Variants in LRP1B observed in about 807,000 individuals in gnomAD.
LRP1B encodes the protein LDL receptor related protein 1B.
Under a neutral mutation model 556.6 loss-of-function variants are expected in LRP1B, and 217 were observed. That is an observed-to-expected ratio of 0.39 (90% CI 0.35 to 0.44). The LOEUF is 0.44. Among genes scored for constraint, LRP1B ranks in the 20% least tolerant of loss-of-function variants. LRP1B has a pLI of 1.00. For synonymous variants in LRP1B, 2,047 were observed against 1,865.8 expected (o/e 1.10, Z -2.50); for missense variants, 5,053 against 5,620.8 (o/e 0.90, Z 3.23).
chr2:141,591,240 C>A (rs1295784813), intron 2 of LRP1B, among the ~76,000 whole-genome samples: 1 of 152,118 alleles, frequency 6.6e-6, no homozygotes, highest in African/African-American at 2.4e-5. Flanking sequence ...TTGCACTCCC[C>A]ATGTCCCTAA....
chr2:141,132,102 T>C (rs1426446505), intron 7 of LRP1B, among the ~76,000 whole-genome samples: 1 of 152,002 alleles, frequency 6.6e-6, no homozygotes, highest in African/African-American at 2.4e-5. Flanking sequence ...ACATAACATT[T>C]TTAACTTCTG....
chr2:141,544,335 T>TTCTTCTTCTTCTTC (rs1685431711), intron 2 of LRP1B, among the ~76,000 whole-genome samples: 1 of 66,698 alleles, frequency 1.5e-5, no homozygotes, highest in African/African-American at 5.6e-5. Context: ...CTTCTTCTTC[T>TTCTTCTTCTTCTTC]TCTTCTTCTT....
At position 140,877,176 on chromosome 2, in the gene LRP1B, G is replaced by A. The variant is rs1321089834; in HGVS notation, c.4169+6641C>T. Among the ~76,000 whole-genome samples, 3 of 151,998 alleles carry A rather than the reference G, an allele frequency of 2.0e-5. No homozygotes were observed. In the East Asian group the frequency reaches 5.8e-4, roughly 29 times the overall value. On this transcript the variant is annotated intron_variant, in intron 25 of 90. Transcript: ENST00000389484. ...ACTTAAACTTCAGAAGAATATAACA[G>A]CAACCTATTTAAAGCCACATATATA...
rs1440729543 is a variant in LRP1B at position 141,177,556 on chromosome 2, A to G, written c.1013+10865T>C. On this transcript the variant is annotated intron_variant, in intron 7 of 90. Transcript: ENST00000389484. ...AAATGTGTATTGAACCTGCAGATTT[A>G]AAGAAATAAGTTTAAAAGCACAATA... Among the ~76,000 whole-genome samples, 4 of 152,192 alleles carry G rather than the reference A, an allele frequency of 2.6e-5. No homozygotes were observed. In the East Asian group the frequency reaches 7.7e-4, roughly 29 times the overall value.
At chr2:141,722,308 G>C (rs1257510514) in intron 2 of LRP1B, among the ~76,000 whole-genome samples, 1 of 152,156 alleles carries the variant, frequency 6.6e-6, no homozygotes, top group Non-Finnish European at 1.5e-5. Flanking sequence ...AACCTGGGAG[G>C]TGGAGGTTGC....
intron 1 of LRP1B, among the ~76,000 whole-genome samples, chr2:141,816,833 C>A (rs1472397613): frequency 6.6e-6 from 1 of 151,860 alleles, no homozygotes; most frequent in East Asian, 1.9e-4. Context: ...TGGGATTTAC[C>A]TAACGAGCCT....
At chr2:140,699,837 A>G (rs1167660495) in intron 41 of LRP1B, among the ~76,000 whole-genome samples, 1 of 148,050 alleles carries the variant, frequency 6.8e-6, no homozygotes, top group Admixed American at 6.8e-5. Flanking sequence ...TATACAGAAA[A>G]AAAATCTCTG....
At chr2:141,605,072 C>G (rs751191069) in intron 2 of LRP1B, among the ~76,000 whole-genome samples, 1 of 151,940 alleles carries the variant, frequency 6.6e-6, no homozygotes, top group Non-Finnish European at 1.5e-5. Context: ...CCAGAGGTTC[C>G]TGGCTGGCAA....
Position 141,722,743 on chromosome 2 carries a change from T to C in LRP1B, c.205+87536A>G, listed in dbSNP as rs1489364097. Among the ~76,000 whole-genome samples, 5 of 150,260 alleles carry C rather than the reference T, an allele frequency of 3.3e-5. No homozygotes were observed. The South Asian group carries it at 1.1e-3, about 32-fold the overall frequency. On this transcript the variant is annotated intron_variant, in intron 2 of 90. Coordinates refer to ENST00000389484, the MANE Select transcript of LRP1B (RefSeq NM_018557.3). Reference sequence around the variant, plus strand: ...GCAGATAGATACATAGATAGATAGATAGATAGATAGATAGATAGATAGATA... The same window carrying C: ...GCAGATAGATACATAGATAGATAGACAGATAGATAGATAGATAGATAGATA...
intron 2 of LRP1B, among the ~76,000 whole-genome samples, chr2:141,684,885 A>G (rs2105435973): frequency 6.6e-6 from 1 of 152,158 alleles, no homozygotes; most frequent in Middle Eastern, 3.4e-3. Flanking sequence ...AAAATTATAC[A>G]GGGATGGAAA....
At chr2:140,336,965 T>C (rs540278808) in intron 77 of LRP1B, among the ~76,000 whole-genome samples, 1 of 151,848 alleles carries the variant, frequency 6.6e-6, no homozygotes, top group Non-Finnish European at 1.5e-5. Context: ...GTGTAATCAA[T>C]ACGTAACAGC....
intron 84 of LRP1B, among the ~76,000 whole-genome samples, chr2:140,284,177 C>T (rs563333946): frequency 2.0e-5 from 3 of 151,728 alleles, no homozygotes; most frequent in African/African-American, 7.2e-5. Context: ...GTGTTAGTAT[C>T]TACAGTGTTA....
intron 3 of LRP1B, among the ~76,000 whole-genome samples, chr2:141,344,314 G>A (rs1046118313): frequency 1.3e-5 from 2 of 152,080 alleles, no homozygotes; most frequent in Admixed American, 6.5e-5. Context: ...TACATAACAA[G>A]GTCCTGTTAT....
At chr2:141,733,438 A>G (rs1011438120) in intron 2 of LRP1B, among the ~76,000 whole-genome samples, 11 of 152,210 alleles carry the variant, frequency 7.2e-5, no homozygotes, top group African/African-American at 2.4e-4. Context: ...CCTGACTATT[A>G]TAGCCTTCCA....
intron 3 of LRP1B, among the ~76,000 whole-genome samples, chr2:141,355,715 T>C (rs1318684538): frequency 6.6e-6 from 1 of 152,122 alleles, no homozygotes; most frequent in African/African-American, 2.4e-5. Context: ...CGAAGGAAAA[T>C]ATAAATCCCA....
chr2:140,956,930 A>G (rs1319481392), intron 18 of LRP1B, among the ~76,000 whole-genome samples: 2 of 151,892 alleles, frequency 1.3e-5, no homozygotes, highest in African/African-American at 2.4e-5. Context: ...TGAGAATTTT[A>G]TATCAGATAG....
chr2:141,936,339 AG>A (rs945716185), intron 1 of LRP1B, among the ~76,000 whole-genome samples: 2 of 152,240 alleles, frequency 1.3e-5, no homozygotes, highest in African/African-American at 4.8e-5. Flanking sequence ...GAAATAAACT[AG>A]TTTAATGATC....
At chr2:141,235,856 C>T (rs1015634014) in intron 5 of LRP1B, among the ~76,000 whole-genome samples, 13 of 152,040 alleles carry the variant, frequency 8.6e-5, no homozygotes, top group Admixed American at 7.9e-4. Context: ...GTGAAAATAA[C>T]TGAGTTCAAA....
chr2:140,779,610 A>T (rs774048015), intron 32 of LRP1B, among the ~76,000 whole-genome samples: 2 of 150,182 alleles, frequency 1.3e-5, no homozygotes, highest in African/African-American at 2.5e-5. Context: ...CAGGAGAAAC[A>T]CTTGAACCCG....
Sources: gnomAD v4.1 joint callset for allele counts (sites outside exome capture counted in the v4.1 genomes callset) on GRCh38, gnomAD v4.1.1 for gene constraint, MANE v1.5 for transcripts, NCBI Gene and HGNC (gene_info 2026-07-23, HGNC 2026-07-21) for gene names.